The following NTRK2 variants were observed in gnomAD, a reference collection of about 807,000 sequenced individuals.
NTRK2 encodes BDNF/NT-3 growth factors receptor.
Under a neutral mutation model 94.5 loss-of-function variants are expected in NTRK2, and 13 were observed. The ratio of observed to expected loss-of-function variants is 0.14; its 90% CI spans 0.09 to 0.22. NTRK2 has a LOEUF of 0.22. Ranked by LOEUF, NTRK2 falls within the 10% of genes least tolerant of loss-of-function variation. NTRK2 has a pLI of 1.00. For missense variants in NTRK2, 639 were observed against 1,071.2 expected (o/e 0.60, Z 5.63); for synonymous variants, 372 against 407.4 (o/e 0.91, Z 1.05).
At chr9:84,844,643 CCTCA>C (rs1425237989) in intron 12 of NTRK2, among the ~76,000 whole-genome samples, 56 of 111,612 alleles carry the variant, frequency 5.0e-4, no homozygotes, top group Middle Eastern at 4.4e-3. Flanking sequence ...CAATGTAATA[CCTCA>C]CTCACACACA....
At chr9:84,868,092 A>T (rs538158061) in intron 14 of NTRK2, among the ~76,000 whole-genome samples, 15 of 152,340 alleles carry the variant, frequency 9.8e-5, no homozygotes, top group African/African-American at 3.4e-4. Context: ...CCACTGCTCC[A>T]ATATTAAATG....
chr9:84,766,052 G>T (rs1001588591), intron 12 of NTRK2, among the ~76,000 whole-genome samples: 3 of 152,128 alleles, frequency 2.0e-5, no homozygotes, highest in African/African-American at 7.2e-5. Context: ...TAAAGTTTAT[G>T]GGAGGGGAGA....
At chr9:84,998,587 C>T (rs942783600) in intron 17 of NTRK2, among the ~76,000 whole-genome samples, 8 of 152,184 alleles carry the variant, frequency 5.3e-5, no homozygotes, top group Admixed American at 2.0e-4. Context: ...GGTGCAGACA[C>T]GTGCTGCTTA....
At chr9:84,711,335 C>T (rs1212848950) in intron 6 of NTRK2, among the ~76,000 whole-genome samples, 1 of 152,218 alleles carries the variant, frequency 6.6e-6, no homozygotes, top group Non-Finnish European at 1.5e-5. Context: ...TTTAAGATCT[C>T]CTACTTTACC....
chr9:84,859,049 G>A (rs946976945), intron 12 of NTRK2, among the ~76,000 whole-genome samples: 2 of 152,170 alleles, frequency 1.3e-5, no homozygotes, highest in Non-Finnish European at 2.9e-5. Context: ...AGAAGTGCCC[G>A]GTGGGTAGGT....
chr9:84,668,643 G>A (rs1401799667), upstream of NTRK2: 1 of 152,230 alleles, frequency 6.6e-6, no homozygotes, highest in Non-Finnish European at 1.5e-5. Flanking sequence ...CGACCCTCCC[G>A]GATCGCCTAA....
rs75246469 is a variant in NTRK2, at chr9:84,820,689, C to T, written c.1397-40351C>T. Among the ~76,000 whole-genome samples, 456 of 152,216 alleles carry T rather than the reference C, an allele frequency of 3.0e-3. 1 individual carries two copies. Among genetic ancestry groups the T allele is most frequent in the African/African-American group, 0.011 (445 of 41,524 alleles). On this transcript the variant is annotated intron_variant, in intron 12 of 18. Coordinates refer to ENST00000277120, the MANE Select transcript of NTRK2 (RefSeq NM_006180.6). ...TCATTGAAAAAAATTTGTGTATAAGCGGACCTAAGCAGTTCCAACCTGCGT... is the reference window on the plus strand; with the variant it reads ...TCATTGAAAAAAATTTGTGTATAAGTGGACCTAAGCAGTTCCAACCTGCGT...
chr9:84,837,391 A>G lies in NTRK2; in HGVS notation c.1397-23649A>G, dbSNP rs1356620438. ...TAATTCTGCCGCTCACTGGCCAGGT[A>G]AACTTACACTAATGGTCTGACTTTG... On this transcript the variant is annotated intron_variant, in intron 12 of 18. Transcript: ENST00000277120. Among the ~76,000 whole-genome samples the G allele has an allele frequency of 6.6e-5, 10 of 152,328 alleles. No individual in the cohort carries two copies. The South Asian group carries it at 8.3e-4, about 13-fold the overall frequency.
At chr9:84,818,459 C>A (rs537783962) in intron 12 of NTRK2, among the ~76,000 whole-genome samples, 2 of 152,286 alleles carry the variant, frequency 1.3e-5, no homozygotes, top group East Asian at 3.9e-4. Context: ...CCCCTTGATC[C>A]CAGCAAGTCT....
chr9:84,962,467 A>G (rs1341823389), intron 17 of NTRK2, among the ~76,000 whole-genome samples: 1 of 151,198 alleles, frequency 6.6e-6, no homozygotes, highest in African/African-American at 2.4e-5. Flanking sequence ...CTAGCAGTAG[A>G]TGGGTAAATC....
intron 14 of NTRK2, among the ~76,000 whole-genome samples, chr9:84,904,756 TA>T (rs1269139873): frequency 2.6e-5 from 4 of 152,212 alleles, no homozygotes. Context: ...AGTATGAAGA[TA>T]GCTCACATAA....
intron 16 of NTRK2, among the ~76,000 whole-genome samples, chr9:84,948,969 G>A (rs779859030): frequency 5.3e-5 from 8 of 152,124 alleles, no homozygotes; most frequent in Non-Finnish European, 8.8e-5. Flanking sequence ...TGTTATTAAA[G>A]GCAAAGGAAA....
At chr9:84,905,546 C>A (rs1389950454) in intron 14 of NTRK2, among the ~76,000 whole-genome samples, 2 of 152,006 alleles carry the variant, frequency 1.3e-5, no homozygotes, top group African/African-American at 2.4e-5. Flanking sequence ...AAATTAAAAT[C>A]AAATGAAATT....
chr9:84,830,012 G>A (rs2073433222), intron 12 of NTRK2, among the ~76,000 whole-genome samples: 1 of 152,172 alleles, frequency 6.6e-6, no homozygotes, highest in Non-Finnish European at 1.5e-5. Flanking sequence ...ACCAGAGTAG[G>A]AGCAGTTTAG....
chr9:84,697,376 T>C (rs1212134333), intron 2 of NTRK2, among the ~76,000 whole-genome samples: 1 of 152,068 alleles, frequency 6.6e-6, no homozygotes, highest in African/African-American at 2.4e-5. Context: ...GAGTTTGAGG[T>C]TGTCATGGAG....
chr9:84,697,754 CTG>C (rs1234465192), intron 2 of NTRK2, among the ~76,000 whole-genome samples: 1 of 152,176 alleles, frequency 6.6e-6, no homozygotes, highest in Non-Finnish European at 1.5e-5. Flanking sequence ...CATGCGGAGG[CTG>C]TGGAGCAGGG....
At chr9:85,006,579 C>CTA (rs957050506) in intron 17 of NTRK2, among the ~76,000 whole-genome samples, 4 of 152,122 alleles carry the variant, frequency 2.6e-5, no homozygotes, top group African/African-American at 9.7e-5. Context: ...GGCCAACAGG[C>CTA]TATACTACAG....
intron 17 of NTRK2, among the ~76,000 whole-genome samples, chr9:84,984,835 T>C (rs1828104447): frequency 6.6e-6 from 1 of 152,234 alleles, no homozygotes; most frequent in Non-Finnish European, 1.5e-5. Context: ...CCTCTCCACA[T>C]CTCTATTTCA....
At chr9:84,774,215 T>C (rs1194463696) in intron 12 of NTRK2, among the ~76,000 whole-genome samples, 1 of 152,206 alleles carries the variant, frequency 6.6e-6, no homozygotes, top group African/African-American at 2.4e-5. Context: ...TGGAGGGGAC[T>C]GGACCCATAT....
Sources: gnomAD v4.1 joint callset for allele counts (sites outside exome capture counted in the v4.1 genomes callset) on GRCh38, gnomAD v4.1.1 for gene constraint, MANE v1.5 for transcripts, NCBI Gene and HGNC (gene_info 2026-07-23, HGNC 2026-07-21) for gene names.